The following MCF2L2 variants were observed in gnomAD, a reference collection of about 807,000 sequenced individuals.
MCF2L2 encodes probable guanine nucleotide exchange factor MCF2L2.
In MCF2L2, 102 loss-of-function variants were observed where a neutral mutation model predicts 150.2. The ratio of observed to expected loss-of-function variants is 0.68; its 90% confidence interval spans 0.58 to 0.80. The LOEUF (loss-of-function observed/expected upper bound fraction) is 0.80, where lower values mean the gene tolerates loss of function less well. Among genes scored for constraint, MCF2L2 ranks in the 30% least tolerant of loss-of-function variants. The pLI is 0.00. For missense variants in MCF2L2, 1,256 were observed against 1,372.8 expected (o/e 0.91, Z 1.34); for synonymous variants, 465 against 491.3 (o/e 0.95, Z 0.71).
At chr3:183,382,184 G>A (rs544840886) in intron 2 of MCF2L2, among the ~76,000 whole-genome samples, 2 of 152,066 alleles carry the variant, frequency 1.3e-5, no homozygotes, top group Non-Finnish European at 2.9e-5. Flanking sequence ...TCAGCCTACC[G>A]AGTAGCTGGG....
Position 183,205,915 on chromosome 3 carries a change from T to C in MCF2L2, c.2845A>G (p.Ile949Val). 6.2e-7 allele frequency: 1 copy of C among 1,614,152 alleles called. No individual in the cohort carries two copies. The highest frequency in any genetic ancestry group is 8.5e-7 in the Non-Finnish European group (1 of 1,179,972). Reference protein sequence around the residue: ...KEIRDCWFSEISKLLMEQQNN... With the variant: ...KEIRDCWFSEVSKLLMEQQNN... ...TGTTGTTCCATCAATAATTTACTTATTTCTGAAAACCAACAGTCTCTGATT... is the reference window on the plus strand; with the variant it reads ...TGTTGTTCCATCAATAATTTACTTACTTCTGAAAACCAACAGTCTCTGATT... Residue 949 changes from isoleucine (I) to valine (V), a missense_variant, in exon 25 of 30, where the codon ATA becomes GTA. Ile to Val is a conservative substitution (Grantham distance 29, BLOSUM62 3). Coordinates refer to ENST00000328913, the MANE Select transcript of MCF2L2 (RefSeq NM_015078.4).
intron 3 of MCF2L2, among the ~76,000 whole-genome samples, chr3:183,367,073 C>T (rs1252748902): frequency 6.6e-6 from 1 of 152,112 alleles, no homozygotes; most frequent in Non-Finnish European, 1.5e-5. Context: ...ACCCATTTTA[C>T]TTTACCATTT....
chr3:183,302,763 C>T lies in MCF2L2; in HGVS notation c.1114-2567G>A, dbSNP rs143145200. On this transcript the variant is annotated intron_variant, in intron 10 of 29. Transcript: ENST00000328913. ...GAGTTCCTGGGTCACCTCCTCACAG[C>T]GCTTCCCTGGCGACTATATCTTAAG... 7.4e-4 allele frequency among the ~76,000 whole-genome samples: 113 copies of T among 152,256 alleles called. 1 individual carries two copies. Among genetic ancestry groups the T allele is most frequent in the African/African-American group, 2.5e-3 (103 of 41,554 alleles).
At chr3:183,322,915 C>A (rs139606834) in intron 6 of MCF2L2, among the ~76,000 whole-genome samples, 22 of 152,202 alleles carry the variant, frequency 1.4e-4, no homozygotes, top group African/African-American at 4.8e-4. Flanking sequence ...TGTCTAAGAC[C>A]CATCCCACAT....
chr3:183,414,764 C>G (rs749265485), intron 1 of MCF2L2, among the ~76,000 whole-genome samples: 3 of 152,016 alleles, frequency 2.0e-5, no homozygotes, highest in Non-Finnish European at 4.4e-5. Flanking sequence ...TCTTGATTCT[C>G]TCTCATCTTA....
At chr3:183,332,303 G>C (rs1489938392) in intron 5 of MCF2L2, among the ~76,000 whole-genome samples, 1 of 152,148 alleles carries the variant, frequency 6.6e-6, no homozygotes, top group Non-Finnish European at 1.5e-5. Flanking sequence ...TTGCATTAAA[G>C]AATGCCCTAC....
intron 15 of MCF2L2, among the ~76,000 whole-genome samples, chr3:183,274,115 T>A (rs1727014998): frequency 6.6e-6 from 1 of 151,874 alleles, no homozygotes; most frequent in Non-Finnish European, 1.5e-5. Flanking sequence ...CTCGGGAGGC[T>A]GAGGCAGGAG....
At chr3:183,336,806 A>G (rs1730499735) in intron 5 of MCF2L2, among the ~76,000 whole-genome samples, 2 of 151,808 alleles carry the variant, frequency 1.3e-5, no homozygotes, top group Admixed American at 6.6e-5. Context: ...CAGTGAGCCA[A>G]GATTGTGCCA....
intron 1 of MCF2L2, among the ~76,000 whole-genome samples, chr3:183,419,209 A>G (rs59777431): frequency 0.15 from 23,110 of 152,214 alleles, 2,676 homozygotes; most frequent in African/African-American, 0.33. Flanking sequence ...GAGTGGCTGG[A>G]ACACAGGACA....
At chr3:183,226,166 C>T (rs1435617431) in intron 18 of MCF2L2, 3 of 152,218 alleles carry the variant, frequency 2.0e-5, no homozygotes, top group Non-Finnish European at 4.4e-5. Flanking sequence ...CTGATTAAAA[C>T]ACTTGGTCAG....
chr3:183,201,169 A>C (rs546636296), intron 25 of MCF2L2, among the ~76,000 whole-genome samples: 333 of 152,278 alleles, frequency 2.2e-3, no homozygotes, highest in African/African-American at 7.3e-3. Flanking sequence ...GAAGAAAGTC[A>C]TTGGTAGCTT....
In MCF2L2 at chr3:183,389,169, G is replaced by C. The variant is rs906126517; in HGVS notation, c.160+527C>G. Among the ~76,000 whole-genome samples the C allele has an allele frequency of 3.3e-5, 5 of 152,304 alleles. No individual in the cohort carries two copies. The South Asian group carries it at 6.2e-4, about 19-fold the overall frequency. ...GTATTCAAGTCATGACAACCTTTCA[G>C]GGTTGTGTCTAGGCTCAAAAAATGC... On this transcript the variant is annotated intron_variant, in intron 2 of 29. Transcript: ENST00000328913.
chr3:183,248,069 G>A (rs1299884143), intron 15 of MCF2L2, among the ~76,000 whole-genome samples: 1 of 152,176 alleles, frequency 6.6e-6, no homozygotes, highest in East Asian at 1.9e-4. Flanking sequence ...ATCTATTTGT[G>A]TCTTTATCTA....
intron 1 of MCF2L2, among the ~76,000 whole-genome samples, chr3:183,393,981 T>C (rs1361012377): frequency 6.6e-6 from 1 of 152,086 alleles, no homozygotes; most frequent in African/African-American, 2.4e-5. Flanking sequence ...TGTCACACTA[T>C]GATTTAAAAG....
chr3:183,279,780 CA>C (rs1352164614), intron 14 of MCF2L2, among the ~76,000 whole-genome samples: 5 of 152,248 alleles, frequency 3.3e-5, no homozygotes, highest in African/African-American at 1.2e-4. Context: ...CCTGTAATCC[CA>C]GCACTTCGGG....
intron 3 of MCF2L2, among the ~76,000 whole-genome samples, chr3:183,353,955 C>T (rs1711616464): frequency 6.6e-6 from 1 of 151,806 alleles, no homozygotes; most frequent in African/African-American, 2.4e-5. Context: ...AGGTGTAAAC[C>T]AAAAATAAAA....
intron 15 of MCF2L2, among the ~76,000 whole-genome samples, chr3:183,252,336 A>G (rs746020639): frequency 1.5e-4 from 23 of 152,230 alleles, no homozygotes; most frequent in Non-Finnish European, 3.2e-4. Flanking sequence ...ACATGTAAAT[A>G]TTTCTGTCTG....
chr3:183,408,915 A>T (rs555448029), intron 1 of MCF2L2, among the ~76,000 whole-genome samples: 18 of 152,364 alleles, frequency 1.2e-4, no homozygotes, highest in African/African-American at 4.3e-4. Context: ...TTCTATACTA[A>T]ATAAAAGTGC....
Position 183,179,980 on chromosome 3 carries a change from G to T in MCF2L2, c.3105+91C>A. 1.9e-6 allele frequency: 2 copies of T among 1,039,820 alleles called. No homozygotes were observed. The highest frequency in any genetic ancestry group is 1.5e-6 in the Non-Finnish European group (1 of 672,448). 64.4% of individuals were successfully genotyped at this position (1,039,820 alleles called of 1,614,324 possible). A position where few individuals can be genotyped will look rare whatever the true frequency, so the allele number is the denominator to read the frequency against. ...TATGGGTGAGAATCCTGAGGAGGGG[G>T]AGAGGGATGGAGGCTAGGGACAGGA... On this transcript the variant is annotated intron_variant, in intron 28 of 29. Coordinates refer to ENST00000328913, the MANE Select transcript of MCF2L2 (RefSeq NM_015078.4). The surrounding 1 kb of genome is among the most constrained non-coding windows in gnomAD (Gnocchi z 4.2).
Sources: allele counts gnomAD v4.1 joint callset (sites outside exome capture counted in the v4.1 genomes callset), GRCh38; gene constraint gnomAD v4.1.1; non-coding constraint Gnocchi (gnomAD v3.1); transcripts MANE v1.5; gene names NCBI Gene and HGNC (gene_info 2026-07-23, HGNC 2026-07-21).